Variants in ARHGAP21 observed in about 807,000 individuals in gnomAD.
ARHGAP21 encodes the protein rho GTPase-activating protein 21.
Under a neutral mutation model 164.6 loss-of-function variants are expected in ARHGAP21, and 38 were observed. That is an observed-to-expected ratio of 0.23 (90% confidence interval 0.18 to 0.30). The LOEUF (loss-of-function observed/expected upper bound fraction) is 0.30. Among genes scored for constraint, ARHGAP21 ranks in the 10% least tolerant of loss-of-function variants. The probability of loss-of-function intolerance (pLI) is 1.00; values close to 1 mark genes in which losing one functional copy is unlikely to be tolerated. For missense variants in ARHGAP21, 1,822 were observed against 2,370.7 expected (o/e 0.77, Z 4.81); for synonymous variants, 766 against 857.9 (o/e 0.89, Z 1.87).
At chr10:24,643,190 G>C (rs568178723) in intron 4 of ARHGAP21, among the ~76,000 whole-genome samples, 1 of 152,302 alleles carries the variant, frequency 6.6e-6, no homozygotes, top group South Asian at 2.1e-4. Context: ...AAATGTGCCA[G>C]GCATTGATTA....
chr10:24,663,780 CA>C (rs1392013808), intron 4 of ARHGAP21, among the ~76,000 whole-genome samples: 2 of 152,194 alleles, frequency 1.3e-5, no homozygotes, highest in African/African-American at 4.8e-5. Flanking sequence ...CTGCCCGCCT[CA>C]GCCTTCCAAA....
At chr10:24,603,014 C>T (rs1159544518) in intron 12 of ARHGAP21, among the ~76,000 whole-genome samples, 1 of 152,138 alleles carries the variant, frequency 6.6e-6, no homozygotes, top group Non-Finnish European at 1.5e-5. Flanking sequence ...TCACGTAAAC[C>T]TTGAGTTGCT....
At chr10:24,603,397 T>C (rs1004768848) in intron 12 of ARHGAP21, among the ~76,000 whole-genome samples, 1 of 152,172 alleles carries the variant, frequency 6.6e-6, no homozygotes, top group Non-Finnish European at 1.5e-5. Flanking sequence ...GTTGTTCTGA[T>C]GTGTGTGGGC....
chr10:24,624,891 C>T (rs987722628), intron 7 of ARHGAP21, among the ~76,000 whole-genome samples: 1 of 151,960 alleles, frequency 6.6e-6, no homozygotes, highest in Admixed American at 6.6e-5. Flanking sequence ...ATTTTTTCCA[C>T]TCAGCCTTTT....
rs1195651421 is a variant in ARHGAP21, at chr10:24,622,646, T to C, written c.525+87A>G. Reference sequence around the variant, plus strand: ...ATAGAGGGATTTCTCTAAGCAAAAGTGAACAGTTTTTAATAGATTGGCTTA... The same window carrying C: ...ATAGAGGGATTTCTCTAAGCAAAAGCGAACAGTTTTTAATAGATTGGCTTA... On this transcript the variant is annotated intron_variant, in intron 8 of 25. Transcript: ENST00000396432. The C allele has an allele frequency of 2.2e-6, 3 of 1,384,746 alleles. No homozygotes were observed. In the East Asian group the frequency reaches 7.3e-5, roughly 33 times the overall value. 85.8% of individuals were successfully genotyped at this position (1,384,746 alleles called of 1,614,324 possible).
chr10:24,588,894 G>A (rs1251353936), intron 25 of ARHGAP21, among the ~76,000 whole-genome samples: 1 of 152,158 alleles, frequency 6.6e-6, no homozygotes, highest in East Asian at 1.9e-4. Flanking sequence ...AGGGAGGGAA[G>A]CAGGTGGCGT....
chr10:24,620,817 T>C lies in ARHGAP21; in HGVS notation c.1078A>G (p.Ser360Gly), dbSNP rs372298049. The change falls in exon 9 of 26, where the codon AGC becomes GGC. Residue 360 changes from serine (S) to glycine (G), a missense_variant. Transcript: ENST00000396432. ...GCCTCCACAGCTTGAGATCTGCTGC[T>C]TGAGATTCCATCAGAATGTCCACTG... ...NYSGHSDGIS[S>G]SRSQAVEAPS... 1.9e-6 allele frequency: 3 copies of C among 1,614,026 alleles called. No individual in the cohort carries two copies. The highest frequency in any genetic ancestry group is 2.5e-6 in the Non-Finnish European group (3 of 1,180,008).
chr10:24,662,405 A>C (rs1348642051), intron 4 of ARHGAP21, among the ~76,000 whole-genome samples: 1 of 152,230 alleles, frequency 6.6e-6, no homozygotes, highest in African/African-American at 2.4e-5. Flanking sequence ...TAGCAGTGTG[A>C]CTGTGGGCAA....
At chr10:24,614,889 G>A (rs2077412608) in intron 9 of ARHGAP21, among the ~76,000 whole-genome samples, 1 of 151,654 alleles carries the variant, frequency 6.6e-6, no homozygotes. Context: ...AAGTGTTTCA[G>A]AATAAAAGTT....
intron 7 of ARHGAP21, 84 bp from the exon 8 acceptor site, chr10:24,622,846 C>T: frequency 1.4e-6 from 2 of 1,398,214 alleles, no homozygotes; most frequent in Non-Finnish European, 9.9e-7. Context: ...CTGGAAACGG[C>T]AAGCTAAAAA....
intron 4 of ARHGAP21, among the ~76,000 whole-genome samples, chr10:24,653,679 C>G (rs969644530): frequency 4.6e-5 from 7 of 152,092 alleles, no homozygotes; most frequent in African/African-American, 1.7e-4. Context: ...CCTCAGCCTT[C>G]CCAGTAACCA....
At chr10:24,627,295 G>A (rs1835232580) in intron 7 of ARHGAP21, among the ~76,000 whole-genome samples, 1 of 152,040 alleles carries the variant, frequency 6.6e-6, no homozygotes, top group Admixed American at 6.6e-5. Context: ...AACCTCATGG[G>A]AACAAATACA....
At chr10:24,588,841 A>G (rs1258536430) in intron 25 of ARHGAP21, among the ~76,000 whole-genome samples, 1 of 152,218 alleles carries the variant, frequency 6.6e-6, no homozygotes, top group South Asian at 2.1e-4. Flanking sequence ...TGAAATATTT[A>G]CAGATGATAT....
intron 7 of ARHGAP21, chr10:24,629,191 G>C (rs2131310306): frequency 6.7e-6 from 1 of 149,880 alleles, no homozygotes; most frequent in South Asian, 2.1e-4. Flanking sequence ...ATAGGGTAGA[G>C]ATAGGGTTTC....
At chr10:24,680,405 CT>C (rs1353297337) in intron 2 of ARHGAP21, among the ~76,000 whole-genome samples, 1 of 152,098 alleles carries the variant, frequency 6.6e-6, no homozygotes, top group Non-Finnish European at 1.5e-5. Flanking sequence ...TCCAAGTTTT[CT>C]TTTGTTGAAA....
At chr10:24,714,547 T>C (rs1845167794) in intron 2 of ARHGAP21, among the ~76,000 whole-genome samples, 1 of 152,210 alleles carries the variant, frequency 6.6e-6, no homozygotes, top group African/African-American at 2.4e-5. Flanking sequence ...GCTACTGCCA[T>C]CATTCTCAAT....
chr10:24,692,737 C>T (rs1842851802), intron 2 of ARHGAP21, among the ~76,000 whole-genome samples: 1 of 151,960 alleles, frequency 6.6e-6, no homozygotes, highest in Non-Finnish European at 1.5e-5. Flanking sequence ...GAGGCTGAGG[C>T]AGGAGAATCA....
chr10:24,684,536 G>A (rs896607073), intron 2 of ARHGAP21, among the ~76,000 whole-genome samples: 7 of 152,178 alleles, frequency 4.6e-5, no homozygotes, highest in Non-Finnish European at 1.0e-4. Flanking sequence ...AGATCTTGCT[G>A]AAACAAAAAC....
At chr10:24,633,581 T>A (rs1303945462) in intron 5 of ARHGAP21, 101 bp from the exon 6 acceptor site, 1 of 644,616 alleles carries the variant, frequency 1.6e-6, no homozygotes, top group Non-Finnish European at 2.5e-6. Context: ...TTTAATGTCG[T>A]ATATATTAAA....
Sources: gnomAD v4.1 joint callset for allele counts (sites outside exome capture counted in the v4.1 genomes callset) on GRCh38, gnomAD v4.1.1 for gene constraint, MANE v1.5 for transcripts, NCBI Gene and HGNC (gene_info 2026-07-23, HGNC 2026-07-21) for gene names.